Variants in GALNT11 observed in about 807,000 individuals in gnomAD.
GALNT11 encodes UDP-GalNAc:polypeptide N-acetylgalactosaminyltransferase 11.
A neutral mutation model predicts 72.7 loss-of-function variants in GALNT11; 47 were observed. The ratio of observed to expected loss-of-function variants is 0.65; its 90% CI spans 0.51 to 0.82. The LOEUF (loss-of-function observed/expected upper bound fraction) is 0.82, where lower values mean the gene tolerates loss of function less well. GALNT11 is among the 40% of genes least tolerant of loss of function. The pLI is 0.00. For missense variants in GALNT11, 677 were observed against 778.4 expected, an observed-to-expected ratio of 0.87 and a Z score of 1.55; for synonymous variants, 270 against 286.6, an observed-to-expected ratio of 0.94 and a Z score of 0.58.
chr7:152,081,312 G>A (rs948266133), intron 1 of GALNT11, among the ~76,000 whole-genome samples: 15 of 152,198 alleles, frequency 9.9e-5, no homozygotes, highest in African/African-American at 3.1e-4. Flanking sequence ...AATAGAGGAC[G>A]ACTACAAAAA....
In GALNT11 at chr7:152,049,387, T is replaced by C. The variant is rs73477714; in HGVS notation, c.-39+23503T>C. On this transcript the variant is annotated intron_variant, in intron 1 of 11. Coordinates refer to ENST00000430044, the MANE Select transcript of GALNT11 (RefSeq NM_022087.4). ...TAACACAGTGGCTCTTTTAGACTTA[T>C]AGAGGCACTGCCTTGATGGTCTTAG... 1.8e-3 allele frequency among the ~76,000 whole-genome samples: 269 copies of C among 152,350 alleles called. 1 individual carries two copies. The highest frequency in any genetic ancestry group is 6.2e-3 in the African/African-American group (257 of 41,586).
At chr7:152,065,814 A>T (rs1395454009) in intron 1 of GALNT11, among the ~76,000 whole-genome samples, 3 of 152,152 alleles carry the variant, frequency 2.0e-5, no homozygotes, top group African/African-American at 4.8e-5. Flanking sequence ...GTCATCTCAG[A>T]GGGGTACCCA....
intron 1 of GALNT11, among the ~76,000 whole-genome samples, chr7:152,058,331 T>A (rs1335820789): frequency 1.4e-5 from 2 of 143,482 alleles, no homozygotes; most frequent in Non-Finnish European, 2.9e-5. Flanking sequence ...GGCAAGTTCT[T>A]TTTGTTTTGT....
At chr7:152,089,186 G>C (rs140713919) in intron 1 of GALNT11, among the ~76,000 whole-genome samples, 7 of 152,196 alleles carry the variant, frequency 4.6e-5, no homozygotes, top group Admixed American at 6.5e-5. Flanking sequence ...GAAATCATAG[G>C]GGGGTGGACA....
intron 1 of GALNT11, among the ~76,000 whole-genome samples, chr7:152,073,493 T>G (rs1184961599): frequency 6.6e-6 from 1 of 152,252 alleles, no homozygotes; most frequent in Non-Finnish European, 1.5e-5. Flanking sequence ...AAATTATGGC[T>G]GAATAGTATT....
intron 1 of GALNT11, among the ~76,000 whole-genome samples, chr7:152,071,862 C>T (rs537120380): frequency 7.9e-5 from 12 of 152,090 alleles, no homozygotes; most frequent in African/African-American, 2.4e-4. Context: ...CTGTCAGTTA[C>T]GATGTAGCAT....
rs888767160 is a variant in GALNT11, at chr7:152,094,897, C to G, written c.295+375C>G. Among the ~76,000 whole-genome samples, 2 of 152,192 alleles carry G rather than the reference C, an allele frequency of 1.3e-5. No homozygotes were observed. Among genetic ancestry groups the G allele is most frequent in the Admixed American group, 6.5e-5 (1 of 15,290 alleles). ...GCTCAAGCTGCCCTCCCACCTCAACCTTGAGAGTAGCTGGGACTATAGGCA... is the reference window on the plus strand; with the variant it reads ...GCTCAAGCTGCCCTCCCACCTCAACGTTGAGAGTAGCTGGGACTATAGGCA... On this transcript the variant is annotated intron_variant, in intron 2 of 11. Coordinates refer to ENST00000430044, the MANE Select transcript of GALNT11 (RefSeq NM_022087.4). The surrounding 1 kb of genome is among the most constrained non-coding windows in gnomAD (Gnocchi z 4.3).
chr7:152,113,712 CTTTTTT>C (rs6150397), intron 8 of GALNT11, among the ~76,000 whole-genome samples: 62 of 96,892 alleles, frequency 6.4e-4, no homozygotes, highest in Non-Finnish European at 1.0e-3. Flanking sequence ...AGTTGGCTTT[CTTTTTT>C]TTTTTTTTTT....
rs575473718 is a variant in GALNT11 at position 152,042,081 on chromosome 7, A to G, written c.-39+16197A>G. On this transcript the variant is annotated intron_variant, in intron 1 of 11. Coordinates refer to ENST00000430044, the MANE Select transcript of GALNT11 (RefSeq NM_022087.4). ...GTAGGTTCAATTGCTTGCCCTACAT[A>G]TATCTGGCAAATTGTTTAACATACC... Among the ~76,000 whole-genome samples, 4 of 152,350 alleles carry G rather than the reference A, an allele frequency of 2.6e-5. No homozygotes were observed. In the East Asian group the frequency reaches 5.8e-4, roughly 22 times the overall value.
At chr7:152,056,990 C>T (rs1230408174) in intron 1 of GALNT11, among the ~76,000 whole-genome samples, 2 of 149,506 alleles carry the variant, frequency 1.3e-5, no homozygotes, top group Non-Finnish European at 3.0e-5. Flanking sequence ...AGGTGTGTGC[C>T]AGCATGCCCA....
chr7:152,051,470 G>C (rs771411169), intron 1 of GALNT11, among the ~76,000 whole-genome samples: 4 of 151,918 alleles, frequency 2.6e-5, no homozygotes, highest in Non-Finnish European at 4.4e-5. Flanking sequence ...TGATGGACTA[G>C]TTTTGCTTAT....
chr7:152,072,009 C>CAAAAA (rs11366450), intron 1 of GALNT11, among the ~76,000 whole-genome samples: 1 of 67,004 alleles, frequency 1.5e-5, no homozygotes, highest in Non-Finnish European at 3.5e-5. Flanking sequence ...AACTCTGTCT[C>CAAAAA]AAAAAAAAAA....
intron 6 of GALNT11, among the ~76,000 whole-genome samples, chr7:152,108,530 C>T (rs979459023): frequency 6.6e-6 from 1 of 152,124 alleles, no homozygotes; most frequent in Non-Finnish European, 1.5e-5. Context: ...GCAGACAGAC[C>T]AGGCCACCAT....
chr7:152,117,464 G>A, intron 9 of GALNT11, 89 bp downstream of exon 9: 1 of 1,251,546 alleles, frequency 8.0e-7, no homozygotes, highest in Non-Finnish European at 1.2e-6. Flanking sequence ...AGGTGACACT[G>A]TGGACTTAAC....
intron 1 of GALNT11, among the ~76,000 whole-genome samples, chr7:152,034,740 G>A (rs1360759482): frequency 1.3e-5 from 2 of 152,118 alleles, no homozygotes; most frequent in Non-Finnish European, 2.9e-5. Context: ...CCTGCGGATG[G>A]GAATAGTTGC....
intron 1 of GALNT11, among the ~76,000 whole-genome samples, chr7:152,062,106 G>T (rs1455055157): frequency 6.6e-6 from 1 of 152,202 alleles, no homozygotes; most frequent in Non-Finnish European, 1.5e-5. Context: ...CTATCCATGA[G>T]CATGGAATGT....
At chr7:152,120,657 G>A in intron 10 of GALNT11, 174 bp from the exon 11 acceptor site, 1 of 597,546 alleles carries the variant, frequency 1.7e-6, no homozygotes, top group East Asian at 2.9e-5. Context: ...ACTTTCTCCT[G>A]CCTTAGCTAT....
intron 1 of GALNT11, among the ~76,000 whole-genome samples, chr7:152,041,374 G>A (rs2082851566): frequency 6.6e-6 from 1 of 152,202 alleles, no homozygotes; most frequent in African/African-American, 2.4e-5. Flanking sequence ...AAAGCTTGCT[G>A]TATTTGTGCC....
chr7:152,031,248 C>A (rs1160263226), intron 1 of GALNT11, among the ~76,000 whole-genome samples: 1 of 152,308 alleles, frequency 6.6e-6, no homozygotes, highest in South Asian at 2.1e-4. Flanking sequence ...AAATGAACTT[C>A]TGTTGGTATA....
Sources: gnomAD v4.1 joint callset for allele counts (sites outside exome capture counted in the v4.1 genomes callset) on GRCh38, gnomAD v4.1.1 for gene constraint, Gnocchi (gnomAD v3.1) non-coding constraint, MANE v1.5 for transcripts, NCBI Gene and HGNC (gene_info 2026-07-23, HGNC 2026-07-21) for gene names.